The following RREB1 variants were observed in gnomAD, a reference collection of about 807,000 sequenced individuals.
RREB1 encodes ras-responsive element-binding protein 1.
In RREB1, 27 loss-of-function variants were observed where a neutral mutation model predicts 117.8. The ratio of observed to expected loss-of-function variants is 0.23; its 90% CI spans 0.17 to 0.32. The LOEUF (loss-of-function observed/expected upper bound fraction) is 0.32, where lower values mean the gene tolerates loss of function less well. Among genes scored for constraint, RREB1 ranks in the 10% least tolerant of loss-of-function variants. The probability of loss-of-function intolerance (pLI) is 1.00; values close to 1 mark genes in which losing one functional copy is unlikely to be tolerated. For synonymous variants in RREB1, 1,298 were observed against 1,026.7 expected (o/e 1.26, Z -5.05); for missense variants, 2,577 against 2,378.2 (o/e 1.08, Z -1.74).
chr6:7,127,998 G>A (rs923022729), intron 1 of RREB1, among the ~76,000 whole-genome samples: 5 of 152,128 alleles, frequency 3.3e-5, no homozygotes, highest in South Asian at 2.1e-4. Flanking sequence ...AATTAATGGT[G>A]TAGTAATTAT....
intron 1 of RREB1, among the ~76,000 whole-genome samples, chr6:7,170,722 G>T (rs1764167098): frequency 6.6e-6 from 1 of 152,182 alleles, no homozygotes; most frequent in African/African-American, 2.4e-5. Context: ...TATTGTGGTA[G>T]ATAAAGCCAG....
At chr6:7,108,228 C>T (rs929886446) in intron 1 of RREB1, among the ~76,000 whole-genome samples, 168 bp downstream of exon 1, 1 of 152,058 alleles carries the variant, frequency 6.6e-6, no homozygotes, top group Non-Finnish European at 1.5e-5. Flanking sequence ...GACCCGCACG[C>T]CCCACTCCGC....
At chr6:7,247,946 C>G (rs112649349) in intron 12 of RREB1, among the ~76,000 whole-genome samples, 2,994 of 152,358 alleles carry the variant, frequency 0.02, 37 homozygotes, top group Non-Finnish European at 0.029. Flanking sequence ...TGTGCCCCGA[C>G]CCAGCGCAGT....
At chr6:7,216,082 A>G (rs1476213798) in intron 8 of RREB1, 1 of 152,262 alleles carries the variant, frequency 6.6e-6, no homozygotes, top group Non-Finnish European at 1.5e-5. Context: ...AGTAACGTTA[A>G]CATCATTTCA....
At chr6:7,135,949 C>A (rs1157221163) in intron 1 of RREB1, among the ~76,000 whole-genome samples, 2 of 152,064 alleles carry the variant, frequency 1.3e-5, no homozygotes, top group African/African-American at 4.8e-5. Flanking sequence ...TGTGGTGGAC[C>A]TGGTGAGAGA....
rs149600409 is a variant in RREB1 at position 7,226,535 on chromosome 6, A to G, written c.776A>G (p.Lys259Arg). ...GLLRHNALVHKQLPRDAMGRP... is the reference protein window; with the variant it reads ...GLLRHNALVHRQLPRDAMGRP... The stretch of plus-strand genomic sequence containing the variant: ...CTGCGTCACAACGCGCTTGTCCACA[A>G]ACAACTTCCCAGGGATGCAATGGGC... The change falls in exon 9 of 13, where the codon AAA becomes AGA. Residue 259 changes from lysine to arginine, a missense_variant. Transcript: ENST00000379938. 15 of 1,614,072 alleles carry G rather than the reference A, an allele frequency of 9.3e-6. No homozygotes were observed. In the African/African-American group the frequency reaches 9.3e-5, roughly 10 times the overall value.
chr6:7,120,964 C>CAGGT (rs1761655218), intron 1 of RREB1, among the ~76,000 whole-genome samples: 1 of 151,884 alleles, frequency 6.6e-6, no homozygotes, highest in African/African-American at 2.4e-5. Context: ...GCTGGGATTA[C>CAGGT]AGGTGCCTGC....
chr6:7,220,918 G>A (rs1333161894), intron 8 of RREB1, among the ~76,000 whole-genome samples: 1 of 152,208 alleles, frequency 6.6e-6, no homozygotes, highest in Admixed American at 6.5e-5. Flanking sequence ...ATACCCTGAT[G>A]CCTGCAGCCG....
intron 1 of RREB1, among the ~76,000 whole-genome samples, chr6:7,125,796 G>A (rs1761878819): frequency 1.3e-5 from 2 of 152,082 alleles, no homozygotes; most frequent in African/African-American, 4.8e-5. Context: ...AGCAGGAAGA[G>A]CCGTGTGGAC....
At chr6:7,131,863 CT>C (rs748171055) in intron 1 of RREB1, among the ~76,000 whole-genome samples, 301 of 143,018 alleles carry the variant, frequency 2.1e-3, no homozygotes, top group Admixed American at 2.5e-3. Flanking sequence ...TCCTTGAGGA[CT>C]TTTTTTTTTT....
chr6:7,225,327 T>TG (rs1767522073), intron 8 of RREB1, among the ~76,000 whole-genome samples: 1 of 152,206 alleles, frequency 6.6e-6, no homozygotes, highest in Non-Finnish European at 1.5e-5. Context: ...TGCTTCCCGA[T>TG]GCAGTTGAGC....
In RREB1 at chr6:7,230,677, A is replaced by G. The variant is rs1337069172; in HGVS notation, c.2578A>G (p.Thr860Ala). Residue 860 changes from threonine to alanine, a missense_variant, in exon 10 of 13, where the codon ACT becomes GCT. Transcript: ENST00000379938. ...TGCCCTTGGTGACTGCAAGCCCCTC[A>G]CTGCCTTCCTGGAACCCCAGAACGG... ...CAALGDCKPL[T>A]AFLEPQNGFL... 6 of 1,594,126 alleles carry G rather than the reference A, an allele frequency of 3.8e-6. No individual in the cohort carries two copies. In the Admixed American group the frequency reaches 6.9e-5, roughly 18 times the overall value.
At chr6:7,177,809 G>A (rs765615021) in intron 2 of RREB1, among the ~76,000 whole-genome samples, 1 of 152,108 alleles carries the variant, frequency 6.6e-6, no homozygotes, top group Non-Finnish European at 1.5e-5. Flanking sequence ...TGCAACCTCT[G>A]CCTCCTGGGT....
intron 6 of RREB1, among the ~76,000 whole-genome samples, chr6:7,200,202 A>G (rs943075966): frequency 1.4e-5 from 2 of 147,572 alleles, no homozygotes; most frequent in East Asian, 2.0e-4. Flanking sequence ...GTGTGTATAT[A>G]TGTATGTATG....
At chr6:7,205,822 A>C (rs1396361915) in intron 6 of RREB1, among the ~76,000 whole-genome samples, 1 of 152,210 alleles carries the variant, frequency 6.6e-6, no homozygotes, top group South Asian at 2.1e-4. Context: ...GACCATCTCA[A>C]ATTTTAGAAA....
chr6:7,130,075 C>T (rs1185478950), intron 1 of RREB1, among the ~76,000 whole-genome samples: 1 of 152,162 alleles, frequency 6.6e-6, no homozygotes, highest in Non-Finnish European at 1.5e-5. Flanking sequence ...CTCCCTCACT[C>T]AATTTTGGAG....
intron 1 of RREB1, among the ~76,000 whole-genome samples, chr6:7,133,010 G>A (rs572243969): frequency 3.0e-4 from 45 of 152,300 alleles, no homozygotes; most frequent in African/African-American, 1.0e-3. Context: ...AGTCAAATTG[G>A]TGATAGGAGT....
intron 1 of RREB1, among the ~76,000 whole-genome samples, chr6:7,174,168 T>TTTTC (rs1554120628): frequency 1.7e-4 from 25 of 150,924 alleles, no homozygotes; most frequent in African/African-American, 4.4e-4. Flanking sequence ...TTTTTTTTTT[T>TTTTC]CTGAAGCATT....
chr6:7,142,710 G>C (rs1198171000), intron 1 of RREB1, among the ~76,000 whole-genome samples: 1 of 152,194 alleles, frequency 6.6e-6, no homozygotes, highest in African/African-American at 2.4e-5. Flanking sequence ...CCCCAAGGCC[G>C]GGCAGGGAGG....
Sources: gnomAD v4.1 joint callset for allele counts (sites outside exome capture counted in the v4.1 genomes callset) on GRCh38, gnomAD v4.1.1 for gene constraint, MANE v1.5 for transcripts, NCBI Gene and HGNC (gene_info 2026-07-23, HGNC 2026-07-21) for gene names.